TRIM10: variants seen among roughly 807,000 people sequenced by gnomAD.
The protein encoded by TRIM10 is tripartite motif-containing protein 10.
In TRIM10, 42 loss-of-function variants were observed where a neutral mutation model predicts 40.0. That is an observed-to-expected ratio of 1.05 (90% confidence interval 0.82 to 1.36). The LOEUF (loss-of-function observed/expected upper bound fraction) is 1.36. TRIM10 is among the 40% of genes most tolerant of loss of function. The pLI, the probability that TRIM10 is intolerant of heterozygous loss-of-function variation, is 0.00. For synonymous variants in TRIM10, 260 were observed against 239.5 expected (o/e 1.09, Z -0.79); for missense variants, 601 against 608.3 (o/e 0.99, Z 0.13).
rs1772224662 is a variant in TRIM10, at chr6:30,153,681, G to A, written c.*288C>T. 4 of 1,609,432 alleles carry A rather than the reference G, an allele frequency of 2.5e-6. No individual in the cohort carries two copies. Among genetic ancestry groups the A allele is most frequent in the South Asian group, 2.2e-5 (2 of 90,290 alleles). On this transcript the variant is annotated 3_prime_UTR_variant, in exon 7 of 7. Transcript: ENST00000449742. ...CAGGTCTTCTGACTTCAAATCCAGT[G>A]CCCTTTCTATGCAGCTACTTCTGTG...
At chr6:30,160,367 A>G (rs1772955971) in intron 1 of TRIM10, 63 bp downstream of exon 1, 11 of 1,547,166 alleles carry the variant, frequency 7.1e-6, no homozygotes, top group Middle Eastern at 1.7e-4. Flanking sequence ...ATAATCCACA[A>G]CTCTGCTGTT....
Position 30,152,174 on chromosome 6 carries a change from C to T in TRIM10, c.*1795G>A, listed in dbSNP as rs1363166858. ...CAGTGCAGCATAGCAGTTAAGAGCT[C>T]TTGGGTCAGACATGGATGAACTGGT... On this transcript the variant is annotated 3_prime_UTR_variant, in exon 7 of 7. Transcript: ENST00000449742. The T allele has an allele frequency of 6.6e-6, 1 of 152,156 alleles. No individual in the cohort carries two copies. The highest frequency in any genetic ancestry group is 1.5e-5 in the Non-Finnish European group (1 of 68,040). The allele number at this position is 152,156 out of a possible 1,614,324, so 9.4% of individuals were successfully genotyped here.
intron 6 of TRIM10, chr6:30,154,786 A>G: frequency 1.5e-6 from 1 of 664,936 alleles, no homozygotes; most frequent in South Asian, 1.5e-5. Flanking sequence ...TCTTCTGCTC[A>G]CCGCAAGTTG....
At position 30,159,138 on chromosome 6, in the gene TRIM10, G is replaced by A. The variant is rs200248980; in HGVS notation, c.525+12C>T. ...GGAAGGGGAGGAACCTGGGGAAGGG[G>A]TGATGACTTACCAGGAGGACTTGCA... On this transcript the variant is annotated intron_variant, in intron 2 of 6. Coordinates refer to ENST00000449742, the MANE Select transcript of TRIM10 (RefSeq NM_006778.4). 71 of 1,579,268 alleles carry A rather than the reference G, an allele frequency of 4.5e-5. No individual in the cohort carries two copies. Among genetic ancestry groups the A allele is most frequent in the Admixed American group, 1.7e-5 (1 of 59,958 alleles).
intron 5 of TRIM10, 102 bp from the exon 6 acceptor site, chr6:30,155,861 A>C: frequency 1.8e-6 from 2 of 1,115,798 alleles, no homozygotes; most frequent in Non-Finnish European, 2.6e-6. Context: ...AGGGACAAGA[A>C]GAAGAATGTA....
chr6:30,162,767 T>C (rs1487656640), upstream of TRIM10, among the ~76,000 whole-genome samples: 2 of 152,104 alleles, frequency 1.3e-5, no homozygotes, highest in African/African-American at 4.8e-5. Flanking sequence ...AAAATGAAGG[T>C]AATAATGTTT....
intron 1 of TRIM10, 122 bp downstream of exon 1, chr6:30,160,307 TG>T: frequency 9.4e-7 from 1 of 1,064,946 alleles, no homozygotes; most frequent in Non-Finnish European, 1.3e-6. Context: ...GTCTATTGCC[TG>T]GGTGATCATG....
rs990552069 is a variant in TRIM10, at chr6:30,157,957, T to A, written c.756+442A>T. Among the ~76,000 whole-genome samples the A allele has an allele frequency of 3.3e-5, 5 of 152,208 alleles. No individual in the cohort carries two copies. In the South Asian group the frequency reaches 1.0e-3, roughly 32 times the overall value. On this transcript the variant is annotated intron_variant, in intron 3 of 6. Transcript: ENST00000449742. ...CTAAGAGCATCATTCTAAGTCATGC[T>A]GCCTTTCCAATACTTTGTGGGGACC...
chr6:30,155,005 T>A (rs1772393543), intron 6 of TRIM10, among the ~76,000 whole-genome samples: 1 of 152,208 alleles, frequency 6.6e-6, no homozygotes, highest in Non-Finnish European at 1.5e-5. Context: ...CCTGGGTTAT[T>A]CACTCTGCCT....
At chr6:30,161,409 A>G (rs989988070), upstream of TRIM10, among the ~76,000 whole-genome samples, 30 of 152,196 alleles carry the variant, frequency 2.0e-4, no homozygotes, top group Admixed American at 6.5e-4. Flanking sequence ...AGCAACTTCA[A>G]TGGTGATGCC....
upstream of TRIM10, among the ~76,000 whole-genome samples, chr6:30,161,606 T>C (rs1425822638): frequency 6.6e-6 from 1 of 152,246 alleles, no homozygotes; most frequent in Non-Finnish European, 1.5e-5. Flanking sequence ...TTTAAAAGTA[T>C]GATCTTATTT....
chr6:30,158,635 G>C lies in TRIM10; in HGVS notation c.526-6C>G, dbSNP rs374299419. ...CTCTTGGTGGACACCTGAGTCTGAG[G>C]GGGCAGGAGGCAAGCCCAAGAGAAA... On this transcript the variant is annotated splice_polypyrimidine_tract_variant and splice_region_variant and intron_variant, in intron 2 of 6. Coordinates refer to ENST00000449742, the MANE Select transcript of TRIM10 (RefSeq NM_006778.4). The C allele has an allele frequency of 1.3e-5, 21 of 1,611,964 alleles. No homozygotes were observed. The highest frequency in any genetic ancestry group is 1.8e-5 in the Non-Finnish European group (21 of 1,179,256).
chr6:30,163,691 G>A (rs201508191), upstream of TRIM10: 111 of 1,605,052 alleles, frequency 6.9e-5, no homozygotes, highest in Non-Finnish European at 8.4e-5. Context: ...CGTGATGCCC[G>A]CAACCCCGTC....
Position 30,152,520 on chromosome 6 carries a change from T to G in TRIM10, c.*1449A>C, listed in dbSNP as rs538032689. 1 of 152,286 alleles carries G rather than the reference T, an allele frequency of 6.6e-6. No homozygotes were observed. Among genetic ancestry groups the G allele is most frequent in the African/African-American group, 2.4e-5 (1 of 41,546 alleles). The allele number at this position is 152,286 out of a possible 1,614,324, so 9.4% of individuals were successfully genotyped here. A position where few individuals can be genotyped will look rare whatever the true frequency, so the allele number is the denominator to read the frequency against. On this transcript the variant is annotated 3_prime_UTR_variant, in exon 7 of 7. Coordinates refer to ENST00000449742, the MANE Select transcript of TRIM10 (RefSeq NM_006778.4). ...TCCCTGGCTTCTGATCTCCACCTCTTTTCTACCTGCTGAGGTAAGGATGAA... is the reference window on the plus strand; with the variant it reads ...TCCCTGGCTTCTGATCTCCACCTCTGTTCTACCTGCTGAGGTAAGGATGAA...
intron 1 of TRIM10, among the ~76,000 whole-genome samples, chr6:30,160,106 C>T (rs1343624700): frequency 6.6e-6 from 1 of 152,230 alleles, no homozygotes; most frequent in Non-Finnish European, 1.5e-5. Flanking sequence ...CATATACACA[C>T]TGTTTGTACA....
upstream of TRIM10, chr6:30,163,506 C>A (rs746722695): frequency 5.2e-5 from 42 of 806,072 alleles, no homozygotes; most frequent in Non-Finnish European, 7.7e-5. Context: ...ACACAAGAGG[C>A]GGAGCCAGGT....
Position 30,153,806 on chromosome 6 carries a change from G to C in TRIM10, c.*163C>G. 6.2e-7 allele frequency: 1 copy of C among 1,612,980 alleles called. No homozygotes were observed. The highest frequency in any genetic ancestry group is 2.2e-5 in the East Asian group (1 of 44,878). ...GGGGAAAGGACTTGATCAGTAGATTGAGAGTCCTCTCTTCTATCCCTTACC... is the reference window on the plus strand; with the variant it reads ...GGGGAAAGGACTTGATCAGTAGATTCAGAGTCCTCTCTTCTATCCCTTACC... On this transcript the variant is annotated 3_prime_UTR_variant, in exon 7 of 7. Coordinates refer to ENST00000449742, the MANE Select transcript of TRIM10 (RefSeq NM_006778.4).
Position 30,153,528 on chromosome 6 carries a change from C to T in TRIM10, c.*441G>A. The T allele has an allele frequency of 1.4e-6, 1 of 700,328 alleles. No homozygotes were observed. Among genetic ancestry groups the T allele is most frequent in the Non-Finnish European group, 2.4e-6 (1 of 416,158 alleles). 43.4% of individuals were successfully genotyped at this position (700,328 alleles called of 1,614,324 possible). A position where few individuals can be genotyped will look rare whatever the true frequency, so the allele number is the denominator to read the frequency against. On this transcript the variant is annotated 3_prime_UTR_variant, in exon 7 of 7. Transcript: ENST00000449742. ...ACCACACTGCTTGGTTCATAGTTAACACAAACTAAATGGTTCTAGAGAATG... is the reference window on the plus strand; with the variant it reads ...ACCACACTGCTTGGTTCATAGTTAATACAAACTAAATGGTTCTAGAGAATG...
chr6:30,161,436 A>C (rs1464349627), upstream of TRIM10, among the ~76,000 whole-genome samples: 1 of 152,220 alleles, frequency 6.6e-6, no homozygotes, highest in Non-Finnish European at 1.5e-5. Flanking sequence ...GGCCTGCTGC[A>C]GGCCTCAAAA....
Sources: allele counts gnomAD v4.1 joint callset (sites outside exome capture counted in the v4.1 genomes callset), GRCh38; gene constraint gnomAD v4.1.1; transcripts MANE v1.5; gene names NCBI Gene and HGNC (gene_info 2026-07-23, HGNC 2026-07-21).